Variants in VRK1 observed in about 807,000 individuals in gnomAD.
VRK1 encodes VRK serine/threonine kinase 1.
A neutral mutation model predicts 57.1 loss-of-function variants in VRK1; 33 were observed. The ratio of observed to expected loss-of-function variants is 0.58; its 90% CI spans 0.44 to 0.77. The LOEUF (loss-of-function observed/expected upper bound fraction) is 0.77. Ranked by LOEUF, VRK1 falls within the 30% of genes least tolerant of loss-of-function variation. VRK1 has a pLI of 0.00. For missense variants in VRK1, 413 were observed against 477.3 expected, an observed-to-expected ratio of 0.87 and a Z score of 1.25; for synonymous variants, 137 against 147.8, an observed-to-expected ratio of 0.93 and a Z score of 0.53.
At chr14:96,843,569 A>G (rs1455099619) in intron 3 of VRK1, among the ~76,000 whole-genome samples, 1 of 152,188 alleles carries the variant, frequency 6.6e-6, no homozygotes, top group African/African-American at 2.4e-5. Context: ...CCATTGAAAT[A>G]TATCACATTT....
At chr14:96,876,776 CA>C (rs5810784) in intron 12 of VRK1, among the ~76,000 whole-genome samples, 80,088 of 126,546 alleles carry the variant, frequency 0.63, 23,090 homozygotes, top group South Asian at 0.66. Context: ...GTTCTTGAAG[CA>C]AAAAAAAAAA....
intron 5 of VRK1, among the ~76,000 whole-genome samples, chr14:96,849,199 C>T (rs4270096): frequency 0.62 from 94,895 of 151,910 alleles, 30,506 homozygotes; most frequent in African/African-American, 0.69. Context: ...TGGGAAATGG[C>T]TTACATGGTG....
intron 1 of VRK1, among the ~76,000 whole-genome samples, chr14:96,802,066 A>G (rs1420173492): frequency 6.6e-6 from 1 of 152,252 alleles, no homozygotes; most frequent in Non-Finnish European, 1.5e-5. Context: ...AGTTCAGGTT[A>G]TAACATTTAA....
chr14:96,876,192 G>A (rs1889025697), intron 12 of VRK1, 72 bp downstream of exon 12: 1 of 1,420,694 alleles, frequency 7.0e-7, no homozygotes. Flanking sequence ...TTAGATGAGG[G>A]GTCAACTATT....
At chr14:96,833,220 A>G (rs1183414379) in intron 1 of VRK1, among the ~76,000 whole-genome samples, 1 of 152,166 alleles carries the variant, frequency 6.6e-6, no homozygotes, top group Non-Finnish European at 1.5e-5. Context: ...TCATTATGCC[A>G]TTGGACTTAA....
intron 1 of VRK1, among the ~76,000 whole-genome samples, chr14:96,800,866 C>A (rs1306193979): frequency 6.6e-6 from 1 of 151,652 alleles, no homozygotes; most frequent in Non-Finnish European, 1.5e-5. Flanking sequence ...AATTAAATTG[C>A]AAGCACAAGC....
At chr14:96,873,014 G>A (rs1888885878) in intron 11 of VRK1, among the ~76,000 whole-genome samples, 2 of 152,124 alleles carry the variant, frequency 1.3e-5, no homozygotes, top group Admixed American at 1.3e-4. Flanking sequence ...CTTCTAGGCT[G>A]TATATTTTAA....
chr14:96,870,139 A>G lies in VRK1; in HGVS notation c.1069-5891A>G, dbSNP rs1045930053. On this transcript the variant is annotated intron_variant, in intron 11 of 12. Transcript: ENST00000216639. Reference sequence around the variant, plus strand: ...ATCACTGAGCATTTATGTAGTTTCTATATTCTTTCAGGACCTTTAAATTAT... The same window carrying G: ...ATCACTGAGCATTTATGTAGTTTCTGTATTCTTTCAGGACCTTTAAATTAT... Among the ~76,000 whole-genome samples, 6 of 152,188 alleles carry G rather than the reference A, an allele frequency of 3.9e-5. No homozygotes were observed. In the South Asian group the frequency reaches 6.2e-4, roughly 16 times the overall value.
intron 1 of VRK1, among the ~76,000 whole-genome samples, chr14:96,815,603 G>A (rs1472734417): frequency 1.3e-5 from 2 of 152,062 alleles, no homozygotes; most frequent in South Asian, 2.1e-4. Flanking sequence ...GAGAAAAAAA[G>A]CCGGGTGCGG....
At chr14:96,875,119 G>C (rs922013737) in intron 11 of VRK1, among the ~76,000 whole-genome samples, 1 of 137,760 alleles carries the variant, frequency 7.3e-6, no homozygotes, top group East Asian at 2.2e-4. Flanking sequence ...AACTACAGAA[G>C]ATAAAGTTAT....
At chr14:96,845,446 T>C (rs1181895802) in intron 3 of VRK1, among the ~76,000 whole-genome samples, 4 of 152,202 alleles carry the variant, frequency 2.6e-5, no homozygotes, top group African/African-American at 9.6e-5. Flanking sequence ...TGTTAATATC[T>C]CTAAAAACAT....
intron 1 of VRK1, among the ~76,000 whole-genome samples, chr14:96,831,974 A>G (rs1256758133): frequency 6.6e-6 from 1 of 152,204 alleles, no homozygotes; most frequent in Non-Finnish European, 1.5e-5. Flanking sequence ...GCAAGATTTT[A>G]CCATGAGTAA....
At position 96,833,505 on chromosome 14, in the gene VRK1, CAG is replaced by C; in HGVS notation, c.37_38del (p.Ser13LeufsTer18). The C allele has an allele frequency of 6.2e-7, 1 of 1,613,714 alleles. No homozygotes were observed. The highest frequency in any genetic ancestry group is 1.7e-5 in the Admixed American group (1 of 60,000). Reference sequence around the variant, plus strand: ...TGTAAAAGCAGCTCAAGCTGGAAGACAGAGCTCTGCAAAGAGACATCTTGCAG... The same window carrying C: ...TGTAAAAGCAGCTCAAGCTGGAAGACAGCTCTGCAAAGAGACATCTTGCAG... ...PRVKAAQAGR[Q>X]SSAKRHLAEQ... On this transcript the variant is annotated frameshift_variant, in exon 2 of 13. Transcript: ENST00000216639. LOFTEE classifies it high-confidence loss of function.
At chr14:96,845,046 C>G (rs1887623581) in intron 3 of VRK1, among the ~76,000 whole-genome samples, 1 of 152,102 alleles carries the variant, frequency 6.6e-6, no homozygotes, top group Non-Finnish European at 1.5e-5. Flanking sequence ...GGTAGTAGGC[C>G]TCATTACTCA....
At chr14:96,828,871 G>C (rs1403890461) in intron 1 of VRK1, among the ~76,000 whole-genome samples, 2 of 152,174 alleles carry the variant, frequency 1.3e-5, no homozygotes, top group Admixed American at 1.3e-4. Context: ...AGGGCCTTTG[G>C]TTGCCTGAGG....
chr14:96,807,651 A>C (rs1229482453), intron 1 of VRK1, among the ~76,000 whole-genome samples: 3 of 152,214 alleles, frequency 2.0e-5, no homozygotes, highest in African/African-American at 7.2e-5. Context: ...TTGTGACCAC[A>C]TCATACATTG....
chr14:96,804,896 A>T (rs1384317294), intron 1 of VRK1, among the ~76,000 whole-genome samples: 1 of 152,218 alleles, frequency 6.6e-6, no homozygotes, highest in African/African-American at 2.4e-5. Context: ...ATGGATATGG[A>T]GAAGTCAGCA....
chr14:96,830,793 C>T (rs1439181620), intron 1 of VRK1, among the ~76,000 whole-genome samples: 4 of 152,112 alleles, frequency 2.6e-5, no homozygotes, highest in African/African-American at 9.7e-5. Flanking sequence ...TCTCTAGATC[C>T]CACTCTTCAC....
intron 1 of VRK1, among the ~76,000 whole-genome samples, chr14:96,811,902 T>A (rs1886221088): frequency 6.6e-6 from 1 of 152,156 alleles, no homozygotes; most frequent in African/African-American, 2.4e-5. Context: ...TAATCTAATT[T>A]TAGAATGCTT....
Sources: gnomAD v4.1 joint callset for allele counts (sites outside exome capture counted in the v4.1 genomes callset) on GRCh38, gnomAD v4.1.1 for gene constraint, MANE v1.5 for transcripts, NCBI Gene and HGNC (gene_info 2026-07-23, HGNC 2026-07-21) for gene names.